CEACAM5: variants seen among roughly 807,000 people sequenced by gnomAD.
CEACAM5 encodes cell adhesion molecule CEACAM5.
CEACAM5 carries 52 observed loss-of-function variants against 63.0 expected under a neutral mutation model. The observed-to-expected ratio is 0.83, with a 90% confidence interval of 0.66 to 1.04. The LOEUF (loss-of-function observed/expected upper bound fraction) is 1.04, where lower values mean the gene tolerates loss of function less well. CEACAM5 is among the 50% of genes least tolerant of loss of function. The pLI, the probability that CEACAM5 is intolerant of heterozygous loss-of-function variation, is 0.00. For synonymous variants in CEACAM5, 357 were observed against 351.3 expected (o/e 1.02, Z -0.18); for missense variants, 790 against 864.8 (o/e 0.91, Z 1.08).
At chr19:41,719,197 C>T (rs546556330) in intron 6 of CEACAM5, among the ~76,000 whole-genome samples, 13 of 152,162 alleles carry the variant, frequency 8.5e-5, no homozygotes, top group Middle Eastern at 3.4e-3. Context: ...GGGGCAGTGC[C>T]AAAAAGTGTG....
chr19:41,718,531 CT>C (rs1555815553), intron 6 of CEACAM5, 149 bp downstream of exon 6: 1 of 780,674 alleles, frequency 1.3e-6, no homozygotes, highest in African/African-American at 1.7e-5. Flanking sequence ...CCCAATTTGT[CT>C]CTACAAACAC....
At position 41,715,586 on chromosome 19, in the gene CEACAM5, A is replaced by G. The variant is rs2072512189; in HGVS notation, c.704-64A>G. The G allele has an allele frequency of 3.1e-6, 5 of 1,596,372 alleles. No individual in the cohort carries two copies. The Admixed American group carries it at 6.7e-5, about 21-fold the overall frequency. ...CTTAGAGGGACACTGTGGTCCTTCCATAGACCAGGAACTTCCACTTCCCTC... is the reference window on the plus strand; with the variant it reads ...CTTAGAGGGACACTGTGGTCCTTCCGTAGACCAGGAACTTCCACTTCCCTC... On this transcript the variant is annotated intron_variant, in intron 3 of 9. Transcript: ENST00000221992.
At chr19:41,715,386 C>A in intron 3 of CEACAM5, 137 bp downstream of exon 3, 1 of 1,386,326 alleles carries the variant, frequency 7.2e-7, no homozygotes, top group Non-Finnish European at 1.0e-6. Context: ...TGACTTTCTG[C>A]CCCAGAAAAA....
At chr19:41,720,315 C>T in intron 7 of CEACAM5, 107 bp downstream of exon 7, 1 of 1,350,926 alleles carries the variant, frequency 7.4e-7, no homozygotes. Context: ...GACTCCCACC[C>T]CTGGACACCC....
chr19:41,710,603 G>A (rs1012137384), intron 2 of CEACAM5, among the ~76,000 whole-genome samples: 20 of 152,314 alleles, frequency 1.3e-4, no homozygotes, highest in Middle Eastern at 6.8e-3. Context: ...TTTGGACAAG[G>A]ACAGAGCCTT....
Position 41,720,951 on chromosome 19 carries a change from C to G in CEACAM5, c.1801C>G (p.Pro601Ala), listed in dbSNP as rs373325856. ...YGPDTPIISP[P>A]DSSYLSGANL... is the part of the protein sequence containing the mutation. ...GCCGGACACCCCCATCATTTCCCCC[C>G]CAGACTCGTCTTACCTTTCGGGAGC... Residue 601 changes from proline to alanine, a missense_variant, in exon 8 of 10, where the codon CCA (proline) becomes GCA (alanine). Coordinates refer to ENST00000221992, the MANE Select transcript of CEACAM5 (RefSeq NM_004363.6). The G allele has an allele frequency of 6.4e-5, 104 of 1,614,020 alleles. No individual in the cohort carries two copies. The highest frequency in any genetic ancestry group is 8.3e-5 in the Non-Finnish European group (98 of 1,180,034).
At position 41,729,211 on chromosome 19, in the gene CEACAM5, A is replaced by G. The variant is rs1342219412; in HGVS notation, c.*64A>G. 6.6e-6 allele frequency: 1 copy of G among 152,190 alleles called. No homozygotes were observed. Among genetic ancestry groups the G allele is most frequent in the African/African-American group, 2.4e-5 (1 of 41,442 alleles). The allele number at this position is 152,190 out of a possible 1,614,324, so 9.4% of individuals were successfully genotyped here. On this transcript the variant is annotated 3_prime_UTR_variant, in exon 10 of 10. Coordinates refer to ENST00000221992, the MANE Select transcript of CEACAM5 (RefSeq NM_004363.6). Reference sequence around the variant, plus strand: ...AGTTGTTTTGCTTCTTCCTTAAAGCATTTGCAACAGCTACAGTCTAAAATT... The same window carrying G: ...AGTTGTTTTGCTTCTTCCTTAAAGCGTTTGCAACAGCTACAGTCTAAAATT...
At chr19:41,721,977 G>A (rs1469280611) in intron 8 of CEACAM5, among the ~76,000 whole-genome samples, 1 of 152,182 alleles carries the variant, frequency 6.6e-6, no homozygotes, top group East Asian at 1.9e-4. Flanking sequence ...GCATGGGAGG[G>A]AACAGGCAGT....
chr19:41,719,921 T>A lies in CEACAM5; in HGVS notation c.1493-9T>A, dbSNP rs782589209. ...ACACAGGGCAATCTTCTCTCTGTTA[T>A]CTGCACAGCGGAGCTGCCCAAGCCC... is the stretch of plus-strand genomic sequence containing the variant. On this transcript the variant is annotated splice_polypyrimidine_tract_variant and intron_variant, in intron 6 of 9. Coordinates refer to ENST00000221992, the MANE Select transcript of CEACAM5 (RefSeq NM_004363.6). The A allele has an allele frequency of 2.0e-5, 32 of 1,614,138 alleles. No homozygotes were observed. In the South Asian group the frequency reaches 3.4e-4, roughly 17 times the overall value.
chr19:41,716,395 GGGT>G (rs1366739417), intron 4 of CEACAM5, among the ~76,000 whole-genome samples: 3 of 152,242 alleles, frequency 2.0e-5, no homozygotes, highest in Non-Finnish European at 4.4e-5. Context: ...GGGCTCCCCT[GGGT>G]GACTGGCCTT....
rs1022859204 is a variant in CEACAM5, at chr19:41,709,254, G to T, written c.65-426G>T. Reference sequence around the variant, plus strand: ...GCCCTCATGAAGCTCATGCTCTCATGGGGAGGAAGACAGACATACAAAGAG... The same window carrying T: ...GCCCTCATGAAGCTCATGCTCTCATTGGGAGGAAGACAGACATACAAAGAG... On this transcript the variant is annotated intron_variant, in intron 1 of 9. Coordinates refer to ENST00000221992, the MANE Select transcript of CEACAM5 (RefSeq NM_004363.6). Among the ~76,000 whole-genome samples, 4 of 152,166 alleles carry T rather than the reference G, an allele frequency of 2.6e-5. No individual in the cohort carries two copies. In the East Asian group the frequency reaches 7.7e-4, roughly 29 times the overall value.
At chr19:41,727,748 T>C (rs946675890) in intron 9 of CEACAM5, among the ~76,000 whole-genome samples, 37 of 152,312 alleles carry the variant, frequency 2.4e-4, no homozygotes, top group Non-Finnish European at 1.3e-4. Context: ...ATTACCTTCC[T>C]AAAATCTAGT....
In CEACAM5 at chr19:41,730,230, C is replaced by T. The variant is rs552620420; in HGVS notation, c.*1083C>T. On this transcript the variant is annotated 3_prime_UTR_variant, in exon 10 of 10. Coordinates refer to ENST00000221992, the MANE Select transcript of CEACAM5 (RefSeq NM_004363.6). ...GGTCAGGAGATCCAGACCATCCTGG[C>T]TAACACAGTGAAACCCCGTCTCTAC... is the stretch of plus-strand genomic sequence containing the variant. Among the ~76,000 whole-genome samples, 1 of 152,132 alleles carries T rather than the reference C, an allele frequency of 6.6e-6. No homozygotes were observed. Among genetic ancestry groups the T allele is most frequent in the Admixed American group, 6.5e-5 (1 of 15,278 alleles).
At position 41,708,735 on chromosome 19, in the gene CEACAM5, G is replaced by C. The variant is rs781952967; in HGVS notation, c.4G>C (p.Glu2Gln). 6.2e-6 allele frequency: 10 copies of C among 1,610,510 alleles called. No homozygotes were observed. ...GACAGAGCAGACAGCAGAGACCATG[G>C]AGTCTCCCTCGGCCCCTCCCCACAG... M[E>Q]SPSAPPHRWC... The change falls in exon 1 of 10, where the codon GAG becomes CAG. Residue 2 changes from glutamate (E) to glutamine (Q), a missense_variant. Physicochemically the swap from Glu to Gln is conservative, Grantham distance 29 (BLOSUM62 2). Coordinates refer to ENST00000221992, the MANE Select transcript of CEACAM5 (RefSeq NM_004363.6).
chr19:41,724,435 T>C (rs1473081065), intron 8 of CEACAM5, among the ~76,000 whole-genome samples: 1 of 152,180 alleles, frequency 6.6e-6, no homozygotes. Flanking sequence ...ATTTTCCAGG[T>C]TGTTTGGCTA....
At chr19:41,713,454 G>A (rs2072468877) in intron 2 of CEACAM5, among the ~76,000 whole-genome samples, 1 of 152,198 alleles carries the variant, frequency 6.6e-6, no homozygotes, top group Non-Finnish European at 1.5e-5. Flanking sequence ...AACACTTTTA[G>A]TCCTAAGCCT....
In CEACAM5 at chr19:41,715,417, A is replaced by C. The variant is rs1555814810; in HGVS notation, c.703+168A>C. The C allele has an allele frequency of 9.1e-6, 11 of 1,206,898 alleles. No individual in the cohort carries two copies. The East Asian group carries it at 2.7e-4, about 30-fold the overall frequency. 74.8% of individuals were successfully genotyped at this position (1,206,898 alleles called of 1,614,324 possible). ...AAAAACCTGGGCAGACCAAGTCTTG[A>C]CCAAGAATAGGAGGGGAGGGGCTGC... On this transcript the variant is annotated intron_variant, in intron 3 of 9. Coordinates refer to ENST00000221992, the MANE Select transcript of CEACAM5 (RefSeq NM_004363.6).
chr19:41,720,316 C>G, intron 7 of CEACAM5, 108 bp downstream of exon 7: 1 of 1,352,230 alleles, frequency 7.4e-7, no homozygotes, highest in East Asian at 2.3e-5. Flanking sequence ...ACTCCCACCC[C>G]TGGACACCCA....
chr19:41,719,255 A>G (rs2072578395), intron 6 of CEACAM5, among the ~76,000 whole-genome samples: 1 of 152,196 alleles, frequency 6.6e-6, no homozygotes, highest in Admixed American at 6.5e-5. Flanking sequence ...TATCTAACAT[A>G]AGACACCATT....
Sources: gnomAD v4.1 joint callset for allele counts (sites outside exome capture counted in the v4.1 genomes callset) on GRCh38, gnomAD v4.1.1 for gene constraint, MANE v1.5 for transcripts, NCBI Gene and HGNC (gene_info 2026-07-23, HGNC 2026-07-21) for gene names.